LAMB4: variants seen among roughly 807,000 people sequenced by gnomAD.
The protein encoded by LAMB4 is laminin subunit beta 4.
A neutral mutation model predicts 199.2 loss-of-function variants in LAMB4; 196 were observed. The observed-to-expected ratio is 0.98, with a 90% CI of 0.88 to 1.11. The LOEUF is 1.11. LAMB4 is among the 50% of genes least tolerant of loss of function. The pLI, the probability that LAMB4 is intolerant of heterozygous loss-of-function variation, is 0.00. For missense variants in LAMB4, 2,080 were observed against 2,171.2 expected (o/e 0.96, Z 0.83); for synonymous variants, 744 against 770.6 (o/e 0.97, Z 0.57).
chr7:108,029,246 C>T lies in LAMB4; in HGVS notation c.4993-50G>A, dbSNP rs547873514. 15 of 1,501,526 alleles carry T rather than the reference C, an allele frequency of 1.0e-5. No homozygotes were observed. The South Asian group carries it at 1.5e-4, about 15-fold the overall frequency. The allele number at this position is 1,501,526 out of a possible 1,614,324, so 93.0% of individuals were successfully genotyped here. A position where few individuals can be genotyped will look rare whatever the true frequency, so the allele number is the denominator to read the frequency against. ...TGAGAAAATATGTATAAAGCATGTA[C>T]ATATATGCATGATGATTCTCCTAAT... On this transcript the variant is annotated intron_variant, in intron 32 of 33. Coordinates refer to ENST00000388781, the MANE Select transcript of LAMB4 (RefSeq NM_007356.3).
intron 1 of LAMB4, among the ~76,000 whole-genome samples, chr7:108,127,799 A>G (rs952022653): frequency 4.6e-5 from 7 of 152,198 alleles, no homozygotes; most frequent in African/African-American, 1.7e-4. Context: ...GCTCCTCAGT[A>G]GTAAGACTCT....
In LAMB4 at chr7:108,072,659, C is replaced by T. The variant is rs139430493; in HGVS notation, c.2125-2774G>A. On this transcript the variant is annotated intron_variant, in intron 17 of 33. Transcript: ENST00000388781. Reference sequence around the variant, plus strand: ...CCCCATGCTCTCATTGCTTGCTTCTCTGCATCTCCCCTTTAGAGAATAAGA... The same window carrying T: ...CCCCATGCTCTCATTGCTTGCTTCTTTGCATCTCCCCTTTAGAGAATAAGA... Among the ~76,000 whole-genome samples the T allele has an allele frequency of 3.0e-3, 459 of 152,268 alleles. 5 individuals carry two copies. The highest frequency in any genetic ancestry group is 0.01 in the African/African-American group (436 of 41,544).
At chr7:108,073,952 G>GGGT (rs201111168) in intron 17 of LAMB4, among the ~76,000 whole-genome samples, 2 of 152,008 alleles carry the variant, frequency 1.3e-5, no homozygotes, top group Non-Finnish European at 2.9e-5. Flanking sequence ...ACAGTGGGGC[G>GGGT]GGTGGTGGTG....
At chr7:108,057,083 T>C (rs754296669) in intron 24 of LAMB4, among the ~76,000 whole-genome samples, 16 of 152,138 alleles carry the variant, frequency 1.1e-4, no homozygotes, top group Middle Eastern at 3.4e-3. Flanking sequence ...GTCCAGCACA[T>C]TGGCCTTGGT....
intron 14 of LAMB4, among the ~76,000 whole-genome samples, chr7:108,088,245 C>A (rs993517395): frequency 3.9e-5 from 6 of 152,024 alleles, no homozygotes; most frequent in Non-Finnish European, 2.9e-5. Flanking sequence ...TCACTGCAAC[C>A]TCTGCCTCCT....
chr7:108,079,511 G>T, intron 15 of LAMB4, 90 bp downstream of exon 15: 2 of 1,080,654 alleles, frequency 1.9e-6, no homozygotes, highest in East Asian at 2.5e-5. Flanking sequence ...CTTTTCTGAT[G>T]AACCTATTCT....
At chr7:108,122,814 T>G (rs998787010) in intron 2 of LAMB4, among the ~76,000 whole-genome samples, 1 of 152,202 alleles carries the variant, frequency 6.6e-6, no homozygotes, top group East Asian at 1.9e-4. Flanking sequence ...AAGTGTTACA[T>G]TGAAAGCACA....
At chr7:108,037,043 GATAA>G (rs1472037717) in intron 30 of LAMB4, among the ~76,000 whole-genome samples, 2 of 151,892 alleles carry the variant, frequency 1.3e-5, no homozygotes, top group Non-Finnish European at 2.9e-5. Context: ...ACCAAACATA[GATAA>G]ATAAGGGAAA....
chr7:108,051,963 T>C, intron 26 of LAMB4, 134 bp downstream of exon 26: 1 of 601,194 alleles, frequency 1.7e-6, no homozygotes, highest in Non-Finnish European at 2.8e-6. Context: ...AATAATACCT[T>C]TAATGGTTGT....
intron 28 of LAMB4, among the ~76,000 whole-genome samples, chr7:108,044,543 TAG>T: frequency 6.6e-6 from 1 of 151,982 alleles, no homozygotes; most frequent in East Asian, 1.9e-4. Flanking sequence ...TCCAACAAAT[TAG>T]AGAGAGAGAA....
At chr7:108,119,552 C>G (rs954295994) in intron 2 of LAMB4, among the ~76,000 whole-genome samples, 8 of 152,094 alleles carry the variant, frequency 5.3e-5, no homozygotes, top group Non-Finnish European at 1.2e-4. Context: ...TATCACATTA[C>G]TGAATGACAA....
At chr7:108,063,688 G>A in intron 22 of LAMB4, 73 bp downstream of exon 22, 1 of 1,302,568 alleles carries the variant, frequency 7.7e-7, no homozygotes, top group Admixed American at 1.7e-5. Context: ...AAATGATCAT[G>A]GGAGAGCTGA....
At chr7:108,038,246 G>A (rs2035296198) in intron 29 of LAMB4, among the ~76,000 whole-genome samples, 1 of 151,936 alleles carries the variant, frequency 6.6e-6, no homozygotes, top group Non-Finnish European at 1.5e-5. Context: ...TGCAACCTCT[G>A]ACTTCCTGGT....
intron 1 of LAMB4, among the ~76,000 whole-genome samples, chr7:108,125,683 G>A (rs1316700446): frequency 2.0e-5 from 3 of 152,282 alleles, no homozygotes; most frequent in East Asian, 1.9e-4. Flanking sequence ...TTCCTACATC[G>A]GACAGGTGGG....
chr7:108,030,471 G>A (rs911339029), intron 32 of LAMB4, among the ~76,000 whole-genome samples: 5 of 152,100 alleles, frequency 3.3e-5, no homozygotes, highest in African/African-American at 9.7e-5. Flanking sequence ...AGAATAGAGG[G>A]CAAAAACATA....
chr7:108,040,817 A>C (rs1049396948), intron 29 of LAMB4, among the ~76,000 whole-genome samples: 1 of 152,200 alleles, frequency 6.6e-6, no homozygotes, highest in Non-Finnish European at 1.5e-5. Context: ...TTGGAAGGCA[A>C]CCTAGACAAT....
chr7:108,085,079 A>T (rs189999443), intron 14 of LAMB4, among the ~76,000 whole-genome samples: 22 of 152,240 alleles, frequency 1.4e-4, no homozygotes, highest in Non-Finnish European at 1.5e-4. Context: ...TGCGTTAGCC[A>T]ACTACTTCCA....
intron 32 of LAMB4, 54 bp from the exon 33 acceptor site, chr7:108,029,250 T>A: frequency 6.7e-7 from 1 of 1,486,220 alleles, no homozygotes; most frequent in South Asian, 1.2e-5. Flanking sequence ...CATGTACATA[T>A]ATGCATGATG....
intron 14 of LAMB4, among the ~76,000 whole-genome samples, chr7:108,081,037 G>A (rs927851196): frequency 2.0e-5 from 3 of 152,070 alleles, no homozygotes. Flanking sequence ...CAGGAGAATC[G>A]CTTGAACCTG....
Sources: allele counts gnomAD v4.1 joint callset (sites outside exome capture counted in the v4.1 genomes callset), GRCh38; gene constraint gnomAD v4.1.1; transcripts MANE v1.5; gene names NCBI Gene and HGNC (gene_info 2026-07-23, HGNC 2026-07-21).